Variants in NFIA observed in about 807,000 individuals in gnomAD.
NFIA encodes the protein nuclear factor 1 A-type.
Under a neutral mutation model 62.8 loss-of-function variants are expected in NFIA, and 8 were observed. The observed-to-expected ratio is 0.13, with a 90% CI of 0.07 to 0.23. NFIA has a LOEUF of 0.23. Ranked by LOEUF, NFIA falls within the 10% of genes least tolerant of loss-of-function variation. The pLI is 1.00. For missense variants in NFIA, 410 were observed against 642.1 expected, an observed-to-expected ratio of 0.64 and a Z score of 3.91; for synonymous variants, 235 against 238.1, an observed-to-expected ratio of 0.99 and a Z score of 0.12.
Position 61,406,543 on chromosome 1 carries a change from G to GA in NFIA, c.1255-19_1255-18insA. ...TCTTTTTCTTGTACGTGTGTTTTCT[G>GA]CCCCCCCCCCCCCCACAGCCCAATG... On this transcript the variant is annotated intron_variant, in intron 8 of 10. Transcript: ENST00000403491. The GA allele has an allele frequency of 2.3e-6, 2 of 876,654 alleles. No homozygotes were observed. The highest frequency in any genetic ancestry group is 3.1e-6 in the Non-Finnish European group (2 of 653,744). 54.3% of individuals were successfully genotyped at this position (876,654 alleles called of 1,614,324 possible).
At chr1:61,374,552 C>G (rs1263309631) in intron 6 of NFIA, among the ~76,000 whole-genome samples, 1 of 152,136 alleles carries the variant, frequency 6.6e-6, no homozygotes, top group Non-Finnish European at 1.5e-5. Flanking sequence ...TCTTTACTCT[C>G]TCTGGTTGTA....
intron 10 of NFIA, among the ~76,000 whole-genome samples, chr1:61,439,942 A>G (rs1007755497): frequency 6.6e-6 from 1 of 152,224 alleles, no homozygotes; most frequent in Non-Finnish European, 1.5e-5. Flanking sequence ...TTCAGCTTTC[A>G]TGGCTTATAC....
At chr1:61,168,783 C>G (rs1306045266) in intron 2 of NFIA, among the ~76,000 whole-genome samples, 1 of 152,180 alleles carries the variant, frequency 6.6e-6, no homozygotes, top group African/African-American at 2.4e-5. Flanking sequence ...GTCTACAAAC[C>G]CACAGCTTTG....
intron 10 of NFIA, among the ~76,000 whole-genome samples, chr1:61,438,644 C>T (rs774607634): frequency 2.6e-5 from 4 of 151,914 alleles, no homozygotes; most frequent in Non-Finnish European, 5.9e-5. Flanking sequence ...GCCAGTTTCT[C>T]GTTGTAAGGA....
chr1:61,367,702 T>C (rs1371410172), intron 6 of NFIA, among the ~76,000 whole-genome samples: 1 of 152,190 alleles, frequency 6.6e-6, no homozygotes, highest in Non-Finnish European at 1.5e-5. Context: ...ATCAAGGCTG[T>C]TTTTTCTTAA....
intron 2 of NFIA, among the ~76,000 whole-genome samples, chr1:61,185,144 C>T (rs1474641348): frequency 2.6e-5 from 4 of 152,002 alleles, no homozygotes; most frequent in Non-Finnish European, 5.9e-5. Flanking sequence ...ATCTTTGCAC[C>T]CTGACATGTG....
chr1:61,277,497 G>A (rs1306665521), intron 2 of NFIA, 23 bp from the exon 3 acceptor site: 1 of 1,612,176 alleles, frequency 6.2e-7, no homozygotes. Flanking sequence ...TGTAATTTTT[G>A]GCTGTATTTT....
chr1:61,255,470 A>G (rs560838207), intron 2 of NFIA, among the ~76,000 whole-genome samples: 1 of 152,346 alleles, frequency 6.6e-6, no homozygotes, highest in Non-Finnish European at 1.5e-5. Context: ...GACCTTCTAA[A>G]ATGGGGCATA....
chr1:61,122,856 C>T (rs1213363090), intron 2 of NFIA, among the ~76,000 whole-genome samples: 1 of 152,068 alleles, frequency 6.6e-6, no homozygotes, highest in Non-Finnish European at 1.5e-5. Flanking sequence ...GTTTGCTGCA[C>T]CTGTCAGCCA....
At chr1:61,146,134 G>C (rs1365466987) in intron 2 of NFIA, among the ~76,000 whole-genome samples, 1 of 152,150 alleles carries the variant, frequency 6.6e-6, no homozygotes, top group East Asian at 1.9e-4. Context: ...GCTCTTCACT[G>C]CATCACTGCA....
At chr1:61,136,735 C>A (rs1647199235) in intron 2 of NFIA, among the ~76,000 whole-genome samples, 1 of 151,230 alleles carries the variant, frequency 6.6e-6, no homozygotes, top group Non-Finnish European at 1.5e-5. Flanking sequence ...CAATTATGGG[C>A]TGACTTGGAA....
chr1:61,077,479 G>A, upstream of NFIA: 1 of 679,988 alleles, frequency 1.5e-6, no homozygotes. Flanking sequence ...CCTGCAATTG[G>A]CCAACAGCTT....
At chr1:61,434,722 T>G (rs955581044) in intron 10 of NFIA, among the ~76,000 whole-genome samples, 1 of 152,214 alleles carries the variant, frequency 6.6e-6, no homozygotes, top group East Asian at 1.9e-4. Context: ...CCATAGTATC[T>G]GGCACACAAT....
chr1:61,289,799 T>G (rs2100304448), intron 3 of NFIA, among the ~76,000 whole-genome samples: 1 of 152,256 alleles, frequency 6.6e-6, no homozygotes, highest in East Asian at 1.9e-4. Flanking sequence ...GCCTCAGCCT[T>G]GTTCAGGCAC....
intron 3 of NFIA, among the ~76,000 whole-genome samples, chr1:61,311,969 C>A (rs1660143604): frequency 6.6e-6 from 1 of 152,188 alleles, no homozygotes; most frequent in South Asian, 2.1e-4. Flanking sequence ...CTAGAAATAA[C>A]ATCAGGAGTA....
intron 2 of NFIA, among the ~76,000 whole-genome samples, chr1:61,140,086 C>T (rs1265090515): frequency 6.6e-6 from 1 of 152,110 alleles, no homozygotes; most frequent in Non-Finnish European, 1.5e-5. Flanking sequence ...CACTCACCCC[C>T]TAAACTCTAA....
At position 61,455,312 on chromosome 1, in the gene NFIA, C is replaced by T; in HGVS notation, c.1522C>T (p.Leu508=). Residue 508 remains leucine (L), a synonymous_variant, in exon 11 of 11, where the codon CTG becomes TTG. Coordinates refer to ENST00000403491, the MANE Select transcript of NFIA (RefSeq NM_001134673.4). The stretch of plus-strand genomic sequence containing the variant: ...TCCTTTTGTCTTCCAGTCCTGGTAC[C>T]TGGGATAAAAGTTGCAGCGTCCCAC... ...NIPQQTQSWY[L]G is the part of the protein sequence containing the mutation. 1 of 1,613,996 alleles carries T rather than the reference C, an allele frequency of 6.2e-7. No individual in the cohort carries two copies.
At chr1:61,080,364 C>T (rs1646080822), upstream of NFIA, among the ~76,000 whole-genome samples, 1 of 150,768 alleles carries the variant, frequency 6.6e-6, no homozygotes, top group Admixed American at 6.6e-5. Flanking sequence ...AAGTAAGAAT[C>T]TTTGCCGTTT....
intron 3 of NFIA, among the ~76,000 whole-genome samples, chr1:61,300,019 C>G (rs1050788196): frequency 1.1e-4 from 16 of 152,056 alleles, no homozygotes; most frequent in Middle Eastern, 3.2e-3. Flanking sequence ...GTAAAAGTTT[C>G]TGGAACTTAC....
Sources: gnomAD v4.1 joint callset for allele counts (sites outside exome capture counted in the v4.1 genomes callset) on GRCh38, gnomAD v4.1.1 for gene constraint, MANE v1.5 for transcripts, NCBI Gene and HGNC (gene_info 2026-07-23, HGNC 2026-07-21) for gene names.